The following KHDRBS2 variants were observed in gnomAD, a reference collection of about 807,000 sequenced individuals.
The protein encoded by KHDRBS2 is KH domain-containing, RNA-binding, signal transduction-associated protein 2.
KHDRBS2 carries 26 observed loss-of-function variants against 44.3 expected under a neutral mutation model. The ratio of observed to expected loss-of-function variants is 0.59; its 90% CI spans 0.43 to 0.81. The LOEUF is 0.81. KHDRBS2 is among the 40% of genes least tolerant of loss of function. KHDRBS2 has a pLI of 0.00. For synonymous variants in KHDRBS2, 194 were observed against 151.1 expected, an observed-to-expected ratio of 1.28 and a Z score of -2.08; for missense variants, 476 against 433.1, an observed-to-expected ratio of 1.10 and a Z score of -0.88.
intron 6 of KHDRBS2, among the ~76,000 whole-genome samples, chr6:61,865,951 T>G (rs2127298702): frequency 6.6e-6 from 1 of 152,336 alleles, no homozygotes; most frequent in Non-Finnish European, 1.5e-5. Context: ...ACCCTGTGGC[T>G]TTGCAAGGTA....
chr6:62,190,791 A>T (rs1824441442), intron 1 of KHDRBS2, among the ~76,000 whole-genome samples: 1 of 151,994 alleles, frequency 6.6e-6, no homozygotes, highest in Non-Finnish European at 1.5e-5. Flanking sequence ...ACAAAACCAG[A>T]AATCTCAGCC....
intron 3 of KHDRBS2, among the ~76,000 whole-genome samples, chr6:62,000,316 AT>A (rs755100573): frequency 2.8e-4 from 42 of 152,144 alleles, no homozygotes; most frequent in African/African-American, 9.2e-4. Flanking sequence ...ATTGATCTCA[AT>A]TTTTTTTCCT....
intron 2 of KHDRBS2, among the ~76,000 whole-genome samples, chr6:62,087,325 C>T (rs1472851774): frequency 6.6e-6 from 1 of 151,676 alleles, no homozygotes; most frequent in Non-Finnish European, 1.5e-5. Flanking sequence ...AAAGATAAAT[C>T]AGAATTAGGA....
At chr6:62,223,329 A>G (rs1831211683) in intron 1 of KHDRBS2, among the ~76,000 whole-genome samples, 1 of 152,206 alleles carries the variant, frequency 6.6e-6, no homozygotes, top group South Asian at 2.1e-4. Context: ...TGGAGCAGCT[A>G]GGAAGCAGGG....
the KHDRBS2 span, among the ~76,000 whole-genome samples, chr6:61,585,923 A>T: frequency 6.6e-6 from 1 of 152,138 alleles, no homozygotes. Flanking sequence ...ATTAGAGAAC[A>T]ATTAACTTCT....
chr6:61,574,630 G>A, the KHDRBS2 span, among the ~76,000 whole-genome samples: 1 of 152,294 alleles, frequency 6.6e-6, no homozygotes, highest in Middle Eastern at 3.4e-3. Flanking sequence ...TACCCTAGGG[G>A]CGTGGTAGCT....
intron 6 of KHDRBS2, among the ~76,000 whole-genome samples, chr6:61,863,918 A>G (rs1252912713): frequency 6.6e-6 from 1 of 152,132 alleles, no homozygotes; most frequent in Non-Finnish European, 1.5e-5. Context: ...TGGTAGTCTA[A>G]GTCTCTTTGT....
intron 6 of KHDRBS2, among the ~76,000 whole-genome samples, chr6:61,812,052 C>G (rs764321653): frequency 1.3e-5 from 2 of 151,728 alleles, no homozygotes; most frequent in Admixed American, 6.6e-5. Context: ...TGGAAAAGAT[C>G]TTTGTATCTT....
intron 1 of KHDRBS2, among the ~76,000 whole-genome samples, chr6:62,187,335 T>C (rs1248013429): frequency 6.6e-6 from 1 of 152,142 alleles, no homozygotes; most frequent in Non-Finnish European, 1.5e-5. Flanking sequence ...TTCATATTCT[T>C]ACTCATGCAC....
Position 62,211,908 on chromosome 6 carries a change from A to G in KHDRBS2, c.92-34596T>C, listed in dbSNP as rs185619459. ...ATAGTAAAGACATGGAATCAACCTA[A>G]ATGTCCATCAGTGGTAGACTGGATA... On this transcript the variant is annotated intron_variant, in intron 1 of 8. Coordinates refer to ENST00000281156, the MANE Select transcript of KHDRBS2 (RefSeq NM_152688.4). 1.2e-4 allele frequency among the ~76,000 whole-genome samples: 18 copies of G among 152,332 alleles called. No homozygotes were observed. The East Asian group carries it at 3.3e-3, about 28-fold the overall frequency.
intron 5 of KHDRBS2, among the ~76,000 whole-genome samples, chr6:61,898,750 C>T (rs1390214522): frequency 2.6e-5 from 4 of 151,652 alleles, no homozygotes; most frequent in Admixed American, 6.6e-5. Context: ...AGGGTTCAAT[C>T]GATAAGAATT....
intron 6 of KHDRBS2, among the ~76,000 whole-genome samples, chr6:61,859,023 G>A (rs985205201): frequency 2.6e-5 from 4 of 151,668 alleles, no homozygotes. Flanking sequence ...TGAGAAATTC[G>A]GTGAAAGCTC....
chr6:62,101,747 G>C (rs754341101), intron 2 of KHDRBS2, among the ~76,000 whole-genome samples: 21 of 152,196 alleles, frequency 1.4e-4, no homozygotes, highest in Non-Finnish European at 7.4e-5. Context: ...TTCAGTTTTG[G>C]AGATAGATAT....
At chr6:62,181,646 T>A (rs1187660600) in intron 1 of KHDRBS2, among the ~76,000 whole-genome samples, 1 of 151,924 alleles carries the variant, frequency 6.6e-6, no homozygotes, top group African/African-American at 2.4e-5. Flanking sequence ...TTAAAAAAAA[T>A]TAACCTACCA....
chr6:62,211,666 G>C (rs1321594696), intron 1 of KHDRBS2, among the ~76,000 whole-genome samples: 7 of 152,136 alleles, frequency 4.6e-5, no homozygotes, highest in Non-Finnish European at 8.8e-5. Flanking sequence ...CACGGCACTT[G>C]CAAGATTGTG....
chr6:62,061,607 T>A (rs959704653), intron 2 of KHDRBS2, among the ~76,000 whole-genome samples: 3 of 150,778 alleles, frequency 2.0e-5, no homozygotes, highest in Non-Finnish European at 4.4e-5. Context: ...GCCCTTAACA[T>A]TTTTTCCTTC....
At chr6:62,116,703 G>C (rs1414168432) in intron 2 of KHDRBS2, among the ~76,000 whole-genome samples, 1 of 152,028 alleles carries the variant, frequency 6.6e-6, no homozygotes, top group African/African-American at 2.4e-5. Context: ...ACTAGAACTT[G>C]TTTCTTCTAT....
chr6:61,761,729 G>T (rs1308811718), intron 6 of KHDRBS2, among the ~76,000 whole-genome samples: 1 of 152,128 alleles, frequency 6.6e-6, no homozygotes, highest in East Asian at 1.9e-4. Context: ...TTTGAATTTT[G>T]GCTTTACCAC....
intron 3 of KHDRBS2, among the ~76,000 whole-genome samples, chr6:61,995,035 AGAAGAT>A (rs1776906811): frequency 6.6e-6 from 1 of 152,172 alleles, no homozygotes; most frequent in African/African-American, 2.4e-5. Flanking sequence ...GGTTTGAAGT[AGAAGAT>A]GTAGACAACT....
Sources: allele counts gnomAD v4.1 joint callset (sites outside exome capture counted in the v4.1 genomes callset), GRCh38; gene constraint gnomAD v4.1.1; transcripts MANE v1.5; gene names NCBI Gene and HGNC (gene_info 2026-07-23, HGNC 2026-07-21).